FAM81B: variants seen among roughly 807,000 people sequenced by gnomAD.
FAM81B encodes protein FAM81B.
FAM81B carries 60 observed loss-of-function variants against 58.7 expected under a neutral mutation model. The ratio of observed to expected loss-of-function variants is 1.02; its 90% CI spans 0.83 to 1.27. FAM81B has a LOEUF of 1.27. Among genes scored for constraint, FAM81B ranks in the 50% most tolerant of loss-of-function variants. The pLI, the probability that FAM81B is intolerant of heterozygous loss-of-function variation, is 0.00. For missense variants in FAM81B, 491 were observed against 522.0 expected (o/e 0.94, Z 0.58); for synonymous variants, 189 against 179.6 (o/e 1.05, Z -0.42).
chr5:95,417,357 T>C (rs1026670561), intron 4 of FAM81B, among the ~76,000 whole-genome samples: 4 of 152,196 alleles, frequency 2.6e-5, no homozygotes, highest in African/African-American at 4.8e-5. Flanking sequence ...TTAAAGTGAC[T>C]ATTTAAAGTA....
chr5:95,444,795 T>C (rs1343920794), intron 7 of FAM81B, among the ~76,000 whole-genome samples: 1 of 152,218 alleles, frequency 6.6e-6, no homozygotes, highest in Non-Finnish European at 1.5e-5. Context: ...GAAAATTAAC[T>C]TACATTTCCC....
intron 7 of FAM81B, among the ~76,000 whole-genome samples, chr5:95,443,450 C>G (rs1350373411): frequency 6.6e-6 from 1 of 152,156 alleles, no homozygotes; most frequent in Non-Finnish European, 1.5e-5. Context: ...AGAATAAGCT[C>G]TATCTCATCA....
chr5:95,425,618 G>A (rs1582811891), intron 5 of FAM81B, among the ~76,000 whole-genome samples: 1 of 152,038 alleles, frequency 6.6e-6, no homozygotes, highest in African/African-American at 2.4e-5. Flanking sequence ...ATCAAAATAA[G>A]GATCTTAGAA....
chr5:95,436,884 G>A lies in FAM81B; in HGVS notation c.871G>A (p.Glu291Lys), dbSNP rs148381850. The change falls in exon 7 of 10, where the codon GAA (glutamate) becomes AAA (lysine). Residue 291 changes from glutamate (E) to lysine (K), a missense_variant. Physicochemically the swap from Glu to Lys is moderately conservative, Grantham distance 56. Coordinates refer to ENST00000283357, the MANE Select transcript of FAM81B (RefSeq NM_152548.3). ...GATGGTCCAGGGGGATTATCGCCACGAAATGAACCTTTTGGAATTCAAGTA... is the reference window on the plus strand; with the variant it reads ...GATGGTCCAGGGGGATTATCGCCACAAAATGAACCTTTTGGAATTCAAGTA... ...LKMVQGDYRH[E>K]MNLLEFKFHS... 3.7e-5 allele frequency: 59 copies of A among 1,613,720 alleles called. No individual in the cohort carries two copies. Among genetic ancestry groups the A allele is most frequent in the Non-Finnish European group, 4.5e-5 (53 of 1,179,644 alleles).
chr5:95,409,264 T>C (rs967999176), intron 3 of FAM81B, among the ~76,000 whole-genome samples: 2 of 152,120 alleles, frequency 1.3e-5, no homozygotes, highest in African/African-American at 2.4e-5. Context: ...GTTCAAGTGA[T>C]TCTTGTGCCT....
In FAM81B at chr5:95,401,621, C is replaced by T. The variant is rs550379570; in HGVS notation, c.293+5446C>T. 1.2e-4 allele frequency among the ~76,000 whole-genome samples: 19 copies of T among 152,114 alleles called. 1 individual carries two copies. The highest frequency in any genetic ancestry group is 4.1e-4 in the African/African-American group (17 of 41,470). ...TTTGTAGGACTCTCTGCACTCAGAC[C>T]GTAACTAGTCATATATTAGATCTCA... On this transcript the variant is annotated intron_variant, in intron 3 of 9. Coordinates refer to ENST00000283357, the MANE Select transcript of FAM81B (RefSeq NM_152548.3).
At chr5:95,404,291 A>G (rs1346358559) in intron 3 of FAM81B, among the ~76,000 whole-genome samples, 1 of 152,080 alleles carries the variant, frequency 6.6e-6, no homozygotes, top group Non-Finnish European at 1.5e-5. Context: ...AGGGGAATGG[A>G]TTTTATATAT....
At chr5:95,435,520 C>T (rs1235284521) in intron 6 of FAM81B, among the ~76,000 whole-genome samples, 1 of 152,120 alleles carries the variant, frequency 6.6e-6, no homozygotes, top group East Asian at 1.9e-4. Flanking sequence ...AATACATTTA[C>T]AGTTTTTATA....
At chr5:95,423,547 T>TAAAAAAAAAA (rs70978187) in intron 5 of FAM81B, among the ~76,000 whole-genome samples, 1 of 123,458 alleles carries the variant, frequency 8.1e-6, no homozygotes, top group African/African-American at 3.0e-5. Flanking sequence ...TGCATGTGGG[T>TAAAAAAAAAA]AAAAAAAAAA....
intron 6 of FAM81B, among the ~76,000 whole-genome samples, chr5:95,430,329 T>C (rs1744819366): frequency 6.6e-6 from 1 of 151,604 alleles, no homozygotes; most frequent in Non-Finnish European, 1.5e-5. Context: ...CTTATGCAGA[T>C]ATGAGCAAAT....
chr5:95,396,230 ATCTC>A, intron 3 of FAM81B, 55 bp downstream of exon 3: 1 of 1,372,774 alleles, frequency 7.3e-7, no homozygotes, highest in South Asian at 1.3e-5. Flanking sequence ...ATTGTGACAA[ATCTC>A]ACACGCAAAA....
At chr5:95,409,558 G>C (rs185704395) in intron 3 of FAM81B, among the ~76,000 whole-genome samples, 1 of 152,048 alleles carries the variant, frequency 6.6e-6, no homozygotes, top group Admixed American at 6.6e-5. Context: ...GTTTTATAAA[G>C]ATGAAATTAC....
At chr5:95,447,834 C>T (rs1745639375) in intron 8 of FAM81B, among the ~76,000 whole-genome samples, 1 of 152,138 alleles carries the variant, frequency 6.6e-6, no homozygotes, top group African/African-American at 2.4e-5. Flanking sequence ...CATCACAGAC[C>T]AATTAAATCA....
chr5:95,441,806 C>T (rs1219565652), intron 7 of FAM81B, among the ~76,000 whole-genome samples: 3 of 152,164 alleles, frequency 2.0e-5, no homozygotes, highest in African/African-American at 7.2e-5. Context: ...GCCTCCTCCT[C>T]AGAAGGATCA....
Position 95,414,172 on chromosome 5 carries a change from ACT to A in FAM81B, c.521_522del (p.Leu174GlnfsTer5), listed in dbSNP as rs778488591. ...IQTITSIVKK[L>X]SQNIEILEDQ... ...AGACCATCACCAGCATCGTCAAAAA[ACT>A]CAGCCAAAATATTGAGGTAGTTCTC... On this transcript the variant is annotated frameshift_variant, in exon 4 of 10. Coordinates refer to ENST00000283357, the MANE Select transcript of FAM81B (RefSeq NM_152548.3). LOFTEE classifies it high-confidence loss of function. 1 of 1,609,690 alleles carries A rather than the reference ACT, an allele frequency of 6.2e-7. No individual in the cohort carries two copies. The highest frequency in any genetic ancestry group is 2.2e-5 in the East Asian group (1 of 44,760).
chr5:95,447,495 G>A (rs1745625295), intron 8 of FAM81B, among the ~76,000 whole-genome samples: 1 of 152,216 alleles, frequency 6.6e-6, no homozygotes, highest in Non-Finnish European at 1.5e-5. Context: ...GAGTGGGACT[G>A]CTAGCTCTTC....
At chr5:95,431,965 C>T (rs181678930) in intron 6 of FAM81B, among the ~76,000 whole-genome samples, 66 of 151,850 alleles carry the variant, frequency 4.3e-4, no homozygotes, top group African/African-American at 1.5e-3. Flanking sequence ...ACTAATAACC[C>T]CAAACAATGT....
rs1280241587 is a variant in FAM81B, at chr5:95,446,660, A to G, written c.992A>G (p.His331Arg). 1.9e-6 allele frequency: 3 copies of G among 1,610,324 alleles called. No individual in the cohort carries two copies. The East Asian group carries it at 6.7e-5, about 36-fold the overall frequency. ...FLKYRKDHLG[H>R]INECLKVLQE... is the part of the protein sequence containing the mutation. ...AAATATAGAAAAGACCACCTGGGCC[A>G]TATAAATGAATGTCTGAAGGTCCTA... Residue 331 changes from histidine to arginine, a missense_variant, in exon 8 of 10, where the codon CAT (histidine) becomes CGT (arginine). Coordinates refer to ENST00000283357, the MANE Select transcript of FAM81B (RefSeq NM_152548.3).
At position 95,450,314 on chromosome 5, in the gene FAM81B, A is replaced by C; in HGVS notation, c.*32A>C. 4 of 1,602,410 alleles carry C rather than the reference A, an allele frequency of 2.5e-6. No individual in the cohort carries two copies. Among genetic ancestry groups the C allele is most frequent in the Non-Finnish European group, 2.6e-6 (3 of 1,176,248 alleles). ...TCAGTCATCTTCTTTTTCATCAGCC[A>C]ATGGAGTGATTTGTTGGAAAAAGTT... is the stretch of plus-strand genomic sequence containing the variant. On this transcript the variant is annotated 3_prime_UTR_variant, in exon 10 of 10. Coordinates refer to ENST00000283357, the MANE Select transcript of FAM81B (RefSeq NM_152548.3).
Sources: gnomAD v4.1 joint callset for allele counts (sites outside exome capture counted in the v4.1 genomes callset) on GRCh38, gnomAD v4.1.1 for gene constraint, MANE v1.5 for transcripts, NCBI Gene and HGNC (gene_info 2026-07-23, HGNC 2026-07-21) for gene names.